FUT8: variants seen among roughly 807,000 people sequenced by gnomAD.
FUT8 encodes alpha-(1,6)-fucosyltransferase.
Under a neutral mutation model 71.3 loss-of-function variants are expected in FUT8, and 29 were observed. The ratio of observed to expected loss-of-function variants is 0.41; its 90% CI spans 0.30 to 0.55. The LOEUF (loss-of-function observed/expected upper bound fraction) is 0.55. FUT8 is among the 20% of genes least tolerant of loss of function. The pLI is 0.34. For missense variants in FUT8, 544 were observed against 702.1 expected (o/e 0.77, Z 2.55); for synonymous variants, 254 against 239.3 (o/e 1.06, Z -0.57).
intron 7 of FUT8, among the ~76,000 whole-genome samples, chr14:65,714,847 G>A (rs1894976676): frequency 6.6e-6 from 1 of 152,022 alleles, no homozygotes; most frequent in African/African-American, 2.4e-5. Context: ...TGTAACTATT[G>A]TAAATTGGAT....
intron 6 of FUT8, among the ~76,000 whole-genome samples, chr14:65,661,810 T>A (rs1390521808): frequency 6.6e-6 from 1 of 152,206 alleles, no homozygotes; most frequent in African/African-American, 2.4e-5. Context: ...AAATTGTTCT[T>A]TTTTTGCAAA....
At chr14:65,570,977 T>A (rs1162526578) in intron 3 of FUT8, among the ~76,000 whole-genome samples, 4 of 152,036 alleles carry the variant, frequency 2.6e-5, no homozygotes, top group African/African-American at 4.8e-5. Flanking sequence ...CTGTAACCAA[T>A]CTAGTTGTTT....
chr14:65,521,319 G>T (rs1441846138), intron 2 of FUT8, among the ~76,000 whole-genome samples: 1 of 152,118 alleles, frequency 6.6e-6, no homozygotes, highest in African/African-American at 2.4e-5. Flanking sequence ...ACATAAAAAT[G>T]TATGAGTATG....
intron 2 of FUT8, among the ~76,000 whole-genome samples, chr14:65,477,249 G>C (rs1432301522): frequency 1.3e-5 from 2 of 152,104 alleles, no homozygotes; most frequent in Admixed American, 1.3e-4. Context: ...GTAAAATATG[G>C]ATAAAAAATG....
chr14:65,372,946 G>A, the FUT8 span, among the ~76,000 whole-genome samples: 1 of 152,062 alleles, frequency 6.6e-6, no homozygotes, highest in African/African-American at 2.4e-5. Flanking sequence ...GAGGCACTAA[G>A]GAGCCAACTA....
Position 65,616,051 on chromosome 14 carries a change from G to A in FUT8, c.277G>A (p.Ala93Thr). 6.2e-7 allele frequency: 1 copy of A among 1,613,978 alleles called. No individual in the cohort carries two copies. Among genetic ancestry groups the A allele is most frequent in the Non-Finnish European group, 8.5e-7 (1 of 1,179,896 alleles). The change falls in exon 4 of 11, where the codon GCC (alanine) becomes ACC (threonine). Residue 93 changes from alanine to threonine, a missense_variant. Physicochemically the swap from Ala to Thr is moderately conservative, Grantham distance 58. Transcript: ENST00000673929. ...VRVLEEQLVK[A>T]KEQIENYKKQ... Reference sequence around the variant, plus strand: ...CGTTTTAGAAGAGCAGCTTGTTAAGGCCAAAGAACAGATTGAAAATTACAA... The same window carrying A: ...CGTTTTAGAAGAGCAGCTTGTTAAGACCAAAGAACAGATTGAAAATTACAA...
chr14:65,552,302 T>C (rs779674226), intron 2 of FUT8, among the ~76,000 whole-genome samples: 1 of 152,172 alleles, frequency 6.6e-6, no homozygotes. Flanking sequence ...ATATTACCTA[T>C]TGAAGGCAGG....
intron 2 of FUT8, among the ~76,000 whole-genome samples, chr14:65,474,600 A>G (rs923371052): frequency 5.9e-5 from 9 of 152,026 alleles, no homozygotes; most frequent in Non-Finnish European, 1.3e-4. Flanking sequence ...AAATAAATAA[A>G]TAAATAAAAA....
rs577165079 is a variant in FUT8, at chr14:65,550,018, G to C, written c.-227-11319G>C. Among the ~76,000 whole-genome samples the C allele has an allele frequency of 1.2e-4, 18 of 152,118 alleles. No individual in the cohort carries two copies. The highest frequency in any genetic ancestry group is 4.3e-4 in the African/African-American group (18 of 41,502). ...GGAGGTTGCAGTGAGCCGAGATCTC[G>C]CCACTGCACTCCAGCCTGGGTGACA... On this transcript the variant is annotated intron_variant, in intron 2 of 10. Coordinates refer to ENST00000673929, the MANE Select transcript of FUT8 (RefSeq NM_001371533.1). The surrounding 1 kb of genome is among the most constrained non-coding windows in gnomAD (Gnocchi z 4.5).
rs575680225 is a variant in FUT8 at position 65,550,888 on chromosome 14, T to C, written c.-227-10449T>C. Reference sequence around the variant, plus strand: ...TACTTCTGTTGATGGGCAATTACGTTGTTTTTCCAGTTTAGTGCTGTTGCA... The same window carrying C: ...TACTTCTGTTGATGGGCAATTACGTCGTTTTTCCAGTTTAGTGCTGTTGCA... On this transcript the variant is annotated intron_variant, in intron 2 of 10. Transcript: ENST00000673929. This position sits in a 1 kb window ranked among gnomAD's most constrained non-coding sequence, Gnocchi z 4.5. Among the ~76,000 whole-genome samples the C allele has an allele frequency of 2.0e-5, 3 of 152,304 alleles. No individual in the cohort carries two copies. The East Asian group carries it at 5.8e-4, about 29-fold the overall frequency.
At position 65,591,008 on chromosome 14, in the gene FUT8, G is replaced by GA. The variant is rs1488768779; in HGVS notation, c.204-24965dup. Reference sequence around the variant, plus strand: ...GTGTTCTTTTACCTATAGTTTATTTGAAAAATACACATACACACATAAAAC... The same window carrying GA: ...GTGTTCTTTTACCTATAGTTTATTTGAAAAAATACACATACACACATAAAAC... On this transcript the variant is annotated intron_variant, in intron 3 of 10. Transcript: ENST00000673929. Among the ~76,000 whole-genome samples, 3 of 151,996 alleles carry GA rather than the reference G, an allele frequency of 2.0e-5. No individual in the cohort carries two copies. The East Asian group carries it at 5.8e-4, about 29-fold the overall frequency.
intron 9 of FUT8, among the ~76,000 whole-genome samples, chr14:65,730,814 G>T (rs932123217): frequency 2.0e-5 from 3 of 152,172 alleles, no homozygotes; most frequent in African/African-American, 7.2e-5. Flanking sequence ...AAAGAAATAA[G>T]AACTATTAAA....
intron 7 of FUT8, among the ~76,000 whole-genome samples, chr14:65,670,226 A>G (rs999353454): frequency 2.3e-4 from 35 of 152,192 alleles, no homozygotes; most frequent in African/African-American, 4.6e-4. Context: ...TCTTTCTACA[A>G]TCATGATCTT....
At chr14:65,377,133 T>C in the FUT8 span, among the ~76,000 whole-genome samples, 1 of 152,166 alleles carries the variant, frequency 6.6e-6, no homozygotes, top group Non-Finnish European at 1.5e-5. Flanking sequence ...TCAGATAAGT[T>C]GGCAGTTTTA....
intron 1 of FUT8, among the ~76,000 whole-genome samples, chr14:65,439,964 A>ATATATATATATATATATATATG (rs2065623809): frequency 1.6e-5 from 2 of 122,972 alleles, no homozygotes; most frequent in South Asian, 5.1e-4. Flanking sequence ...GTATATATAT[A>ATATATATATATATATATATATG]TATATATATA....
intron 1 of FUT8, among the ~76,000 whole-genome samples, chr14:65,454,897 G>A (rs1056248233): frequency 1.6e-4 from 24 of 152,164 alleles, no homozygotes; most frequent in African/African-American, 5.1e-4. Context: ...AAATGAAGTA[G>A]GAGAAGGGCC....
At chr14:65,530,719 T>TACTTA (rs1883891236) in intron 2 of FUT8, among the ~76,000 whole-genome samples, 1 of 151,466 alleles carries the variant, frequency 6.6e-6, no homozygotes, top group Non-Finnish European at 1.5e-5. Context: ...TTTATAAGAG[T>TACTTA]TGAATCTTTT....
chr14:65,451,060 G>T (rs2065816273), intron 1 of FUT8, among the ~76,000 whole-genome samples: 1 of 152,078 alleles, frequency 6.6e-6, no homozygotes, highest in African/African-American at 2.4e-5. Context: ...GTTTTGCCGT[G>T]TTAGCCAGGA....
At chr14:65,369,702 C>G in the FUT8 span, among the ~76,000 whole-genome samples, 1 of 152,204 alleles carries the variant, frequency 6.6e-6, no homozygotes, top group African/African-American at 2.4e-5. The surrounding 1 kb of genome is among the most constrained non-coding windows in gnomAD (Gnocchi z 4.6). Context: ...ATGGCAATAT[C>G]AGAAAGTTAC....
Sources: gnomAD v4.1 joint callset for allele counts (sites outside exome capture counted in the v4.1 genomes callset) on GRCh38, gnomAD v4.1.1 for gene constraint, Gnocchi (gnomAD v3.1) non-coding constraint, MANE v1.5 for transcripts, NCBI Gene and HGNC (gene_info 2026-07-23, HGNC 2026-07-21) for gene names.